Variants in CASTOR2 observed in about 807,000 individuals in gnomAD.
CASTOR2 encodes the protein GATS protein like 2.
Under a neutral mutation model 31.2 loss-of-function variants are expected in CASTOR2, and 8 were observed. That is an observed-to-expected ratio of 0.26 (90% CI 0.15 to 0.46). The LOEUF (loss-of-function observed/expected upper bound fraction) is 0.46. Among genes scored for constraint, CASTOR2 ranks in the 20% least tolerant of loss-of-function variants. CASTOR2 has a pLI of 0.99. For synonymous variants in CASTOR2, 162 were observed against 158.7 expected, an observed-to-expected ratio of 1.02 and a Z score of -0.16; for missense variants, 216 against 382.1, an observed-to-expected ratio of 0.57 and a Z score of 3.62.
chr7:75,002,408 C>T (rs1804518699), intron 1 of CASTOR2, among the ~76,000 whole-genome samples: 1 of 151,798 alleles, frequency 6.6e-6, no homozygotes, highest in Non-Finnish European at 1.5e-5. Context: ...CTTCTGAGGT[C>T]AGGAGTTTGA....
rs1375213578 is a variant in CASTOR2 at position 74,999,517 on chromosome 7, C to G, written c.114-8477C>G. On this transcript the variant is annotated intron_variant, in intron 1 of 8. Transcript: ENST00000616305. ...GCTGCAGCTGGTTAGCAGAACAAAG[C>G]TGGGCACTCACCCTCCCCCTGATTT... 2.7e-5 allele frequency among the ~76,000 whole-genome samples: 4 copies of G among 145,622 alleles called. No individual in the cohort carries two copies. In the East Asian group the frequency reaches 8.6e-4, roughly 31 times the overall value.
intron 1 of CASTOR2, among the ~76,000 whole-genome samples, chr7:74,973,392 G>A (rs1232035563): frequency 8.8e-4 from 92 of 105,070 alleles, no homozygotes; most frequent in Admixed American, 1.5e-3. Context: ...CCCGGCTGGA[G>A]TGCAGTGGCA....
Position 74,967,536 on chromosome 7 carries a change from C to CTTTT in CASTOR2, c.113+2461_113+2464dup, listed in dbSNP as rs1185507666. On this transcript the variant is annotated intron_variant, in intron 1 of 8. Transcript: ENST00000616305. ...TGAGGGTCCCTGTGCCACCTGTTTA[C>CTTTT]TTTTTTTTTTTTTTTTTTTTTTTTT... 2.3e-3 allele frequency among the ~76,000 whole-genome samples: 101 copies of CTTTT among 43,520 alleles called. 3 individuals are homozygous for CTTTT. Among genetic ancestry groups the CTTTT allele is most frequent in the African/African-American group, 6.9e-3 (96 of 14,000 alleles). 28.6% of individuals were successfully genotyped at this position (43,520 alleles called of 152,430 possible).
chr7:75,019,970 C>T (rs1193918416), intron 5 of CASTOR2, 69 bp from the exon 6 acceptor site: 1 of 1,454,440 alleles, frequency 6.9e-7, no homozygotes, highest in Non-Finnish European at 9.4e-7. Flanking sequence ...GGCCCAGCTT[C>T]CCTGGGCTGG....
At chr7:74,981,552 C>G (rs1803945858) in intron 1 of CASTOR2, among the ~76,000 whole-genome samples, 1 of 145,470 alleles carries the variant, frequency 6.9e-6, no homozygotes, top group South Asian at 2.2e-4. Flanking sequence ...GGTCTCATCC[C>G]CTCCAGGCAG....
Position 75,024,525 on chromosome 7 carries a change from T to C in CASTOR2, c.915T>C (p.Asp305=). 1 of 1,551,546 alleles carries C rather than the reference T, an allele frequency of 6.4e-7. No homozygotes were observed. The highest frequency in any genetic ancestry group is 1.2e-5 in the South Asian group (1 of 84,062). ...ACTACATCAGTACTTTCAAGTTTGA[T>C]CATGCACTTGTGAGTGTCCAGCGCC... The part of the protein sequence containing the change: ...PAYYISTFKF[D]HALVPEENIN... Residue 305 remains aspartate, a synonymous_variant, in exon 8 of 9, where the codon GAT becomes GAC. Coordinates refer to ENST00000616305, the MANE Select transcript of CASTOR2 (RefSeq NM_001145064.3).
intron 1 of CASTOR2, among the ~76,000 whole-genome samples, chr7:74,970,949 A>G (rs1170088512): frequency 6.7e-6 from 1 of 149,652 alleles, no homozygotes; most frequent in Non-Finnish European, 1.5e-5. Flanking sequence ...AATAATAAAA[A>G]AAGAAGAAGA....
At chr7:74,984,449 A>G (rs1453461925) in intron 1 of CASTOR2, among the ~76,000 whole-genome samples, 1 of 152,118 alleles carries the variant, frequency 6.6e-6, no homozygotes, top group Non-Finnish European at 1.5e-5. Flanking sequence ...TGCTCTCAGT[A>G]GAAATTGGGA....
intron 1 of CASTOR2, among the ~76,000 whole-genome samples, chr7:75,007,676 G>A (rs1195206475): frequency 5.9e-5 from 9 of 152,036 alleles, no homozygotes; most frequent in Non-Finnish European, 7.4e-5. Flanking sequence ...GCCACCCTTC[G>A]GCCACTTCTT....
intron 1 of CASTOR2, among the ~76,000 whole-genome samples, chr7:75,000,025 G>A (rs1475444408): frequency 5.9e-5 from 9 of 152,154 alleles, no homozygotes; most frequent in Non-Finnish European, 1.0e-4. Flanking sequence ...TCAGGAATTC[G>A]AGACCAGCCT....
intron 1 of CASTOR2, among the ~76,000 whole-genome samples, chr7:74,973,249 A>G (rs1241628235): frequency 6.6e-6 from 1 of 150,888 alleles, no homozygotes; most frequent in Non-Finnish European, 1.5e-5. Context: ...TCATGCCTGT[A>G]ACCTAAGTGG....
chr7:75,002,070 G>A (rs1409715920), intron 1 of CASTOR2, among the ~76,000 whole-genome samples: 2 of 151,964 alleles, frequency 1.3e-5, no homozygotes, highest in Admixed American at 6.6e-5. Flanking sequence ...GATCAGGCAG[G>A]GTTTTATTTT....
intron 1 of CASTOR2, among the ~76,000 whole-genome samples, chr7:74,984,355 G>A (rs1207767571): frequency 1.9e-4 from 29 of 151,562 alleles, no homozygotes; most frequent in Admixed American, 7.3e-4. Flanking sequence ...TAGTACCATC[G>A]TCGGGCTGGA....
intron 2 of CASTOR2, among the ~76,000 whole-genome samples, chr7:75,013,485 A>G (rs1554439661): frequency 6.6e-6 from 1 of 151,892 alleles, no homozygotes; most frequent in Non-Finnish European, 1.5e-5. Flanking sequence ...TCTACAAACA[A>G]TACAAAAATT....
intron 1 of CASTOR2, among the ~76,000 whole-genome samples, chr7:75,001,711 G>A (rs1804501458): frequency 3.9e-5 from 6 of 152,194 alleles, no homozygotes; most frequent in Non-Finnish European, 8.8e-5. Context: ...TTGATTCCAT[G>A]CCCAGCCAGT....
At chr7:74,997,923 C>A (rs1437186942) in intron 1 of CASTOR2, among the ~76,000 whole-genome samples, 1 of 152,054 alleles carries the variant, frequency 6.6e-6, no homozygotes, top group Admixed American at 6.6e-5. Flanking sequence ...TTCTTCATGT[C>A]CTCTTCTGCT....
In CASTOR2 at chr7:75,029,815, A is replaced by G. The variant is rs1805251119; in HGVS notation, c.*5116A>G. Among the ~76,000 whole-genome samples, 1 of 151,986 alleles carries G rather than the reference A, an allele frequency of 6.6e-6. No individual in the cohort carries two copies. On this transcript the variant is annotated 3_prime_UTR_variant, in exon 9 of 9. Transcript: ENST00000616305. Reference sequence around the variant, plus strand: ...GGGGCTTCTCCAACAGAGAAAAGACATTGGCTTTGGGTACCATGCTGAGGG... The same window carrying G: ...GGGGCTTCTCCAACAGAGAAAAGACGTTGGCTTTGGGTACCATGCTGAGGG...
intron 3 of CASTOR2, 46 bp from the exon 4 acceptor site, chr7:75,017,944 C>A (rs1804904140): frequency 1.2e-6 from 2 of 1,614,034 alleles, no homozygotes; most frequent in East Asian, 4.5e-5. Context: ...AGACCCACAT[C>A]CCCCAGGGCC....
At chr7:75,004,591 C>T (rs1489627857) in intron 1 of CASTOR2, among the ~76,000 whole-genome samples, 6 of 151,824 alleles carry the variant, frequency 4.0e-5, no homozygotes, top group African/African-American at 9.7e-5. Context: ...GGATTACAGA[C>T]GCCCACCACC....
Sources: allele counts gnomAD v4.1 joint callset (sites outside exome capture counted in the v4.1 genomes callset), GRCh38; gene constraint gnomAD v4.1.1; transcripts MANE v1.5; gene names NCBI Gene and HGNC (gene_info 2026-07-23, HGNC 2026-07-21).